Variants in LRRC7 observed in about 807,000 individuals in gnomAD.
LRRC7 encodes the protein leucine-rich repeat-containing protein 7.
LRRC7 carries 23 observed loss-of-function variants against 175.7 expected under a neutral mutation model. The ratio of observed to expected loss-of-function variants is 0.13; its 90% CI spans 0.09 to 0.19. The LOEUF is 0.19. LRRC7 is among the 10% of genes least tolerant of loss of function. The pLI is 1.00. For synonymous variants in LRRC7, 685 were observed against 680.9 expected (o/e 1.01, Z -0.09); for missense variants, 1,354 against 1,904.7 (o/e 0.71, Z 5.38).
At chr1:69,682,175 C>G (rs1660571633) in intron 2 of LRRC7, among the ~76,000 whole-genome samples, 1 of 152,072 alleles carries the variant, frequency 6.6e-6, no homozygotes, top group African/African-American at 2.4e-5. Flanking sequence ...TCTAAATTAG[C>G]CAATTTACTC....
intron 7 of LRRC7, among the ~76,000 whole-genome samples, chr1:69,869,846 A>G (rs2101573981): frequency 6.6e-6 from 1 of 152,292 alleles, no homozygotes; most frequent in African/African-American, 2.4e-5. Flanking sequence ...TTTATACCTA[A>G]TAACAATTCC....
At chr1:69,820,987 A>G (rs1306875446) in intron 4 of LRRC7, among the ~76,000 whole-genome samples, 2 of 152,144 alleles carry the variant, frequency 1.3e-5, no homozygotes, top group Non-Finnish European at 2.9e-5. Context: ...AACAGTGTAA[A>G]AGCATTCCTA....
intron 2 of LRRC7, among the ~76,000 whole-genome samples, chr1:69,751,576 G>A (rs1240893795): frequency 2.6e-5 from 4 of 152,116 alleles, no homozygotes; most frequent in East Asian, 1.9e-4. Flanking sequence ...TGTCTAGTAC[G>A]GAGGAGTAGG....
intron 7 of LRRC7, among the ~76,000 whole-genome samples, chr1:69,856,554 C>A (rs1683652430): frequency 6.6e-6 from 1 of 152,140 alleles, no homozygotes; most frequent in Non-Finnish European, 1.5e-5. Flanking sequence ...CCTCCCAAGA[C>A]TAAACCAGGA....
intron 8 of LRRC7, among the ~76,000 whole-genome samples, chr1:69,961,064 A>G (rs1231156190): frequency 6.6e-6 from 1 of 152,174 alleles, no homozygotes; most frequent in Non-Finnish European, 1.5e-5. Flanking sequence ...AGATGACATG[A>G]TCCTATATCT....
chr1:69,733,056 A>T (rs115883164), intron 2 of LRRC7, among the ~76,000 whole-genome samples: 2 of 152,026 alleles, frequency 1.3e-5, no homozygotes, highest in African/African-American at 4.8e-5. Flanking sequence ...TACATAGAAC[A>T]TGTATTTTCT....
intron 15 of LRRC7, among the ~76,000 whole-genome samples, chr1:70,019,309 C>A (rs1313193708): frequency 1.3e-5 from 2 of 151,998 alleles, no homozygotes; most frequent in African/African-American, 2.4e-5. Context: ...ACCATTCTTT[C>A]TTTTCAAGTT....
At position 69,989,199 on chromosome 1, in the gene LRRC7, T is replaced by C. The variant is rs142776634; in HGVS notation, c.931+2813T>C. ...ATAGATGGTTAAGAAAAAGAATCAA[T>C]TAAAAATCCTGAAAATGAAAAGGAA... On this transcript the variant is annotated intron_variant, in intron 10 of 26. Coordinates refer to ENST00000651989, the MANE Select transcript of LRRC7 (RefSeq NM_001370785.2). Among the ~76,000 whole-genome samples the C allele has an allele frequency of 3.6e-4, 55 of 152,046 alleles. No individual in the cohort carries two copies. In the East Asian group the frequency reaches 0.01, roughly 28 times the overall value.
chr1:69,923,970 A>G (rs1014630651), intron 7 of LRRC7, among the ~76,000 whole-genome samples: 5 of 151,724 alleles, frequency 3.3e-5, no homozygotes, highest in South Asian at 4.2e-4. Flanking sequence ...ATCTTGAATT[A>G]ATTTTTGTAT....
chr1:70,111,158 TATGTCTTTCCTAA>T (rs1362959341), intron 26 of LRRC7, among the ~76,000 whole-genome samples: 22 of 152,304 alleles, frequency 1.4e-4, no homozygotes, highest in African/African-American at 5.1e-4. Flanking sequence ...GCACAAGAGA[TATGTCTTTCCTAA>T]TCCCTCTTCC....
chr1:70,058,911 T>C (rs1444341609), intron 23 of LRRC7, among the ~76,000 whole-genome samples: 1 of 152,206 alleles, frequency 6.6e-6, no homozygotes, highest in Admixed American at 6.5e-5. Flanking sequence ...GATACTCTTT[T>C]AAAAGTATTA....
At chr1:70,047,491 C>A (rs1469634590) in intron 22 of LRRC7, among the ~76,000 whole-genome samples, 1 of 151,978 alleles carries the variant, frequency 6.6e-6, no homozygotes, top group Non-Finnish European at 1.5e-5. Flanking sequence ...TGTCCTGCAC[C>A]AAGGCTGTCT....
intron 23 of LRRC7, among the ~76,000 whole-genome samples, chr1:70,073,762 A>G (rs949214038): frequency 2.6e-5 from 4 of 152,348 alleles, no homozygotes; most frequent in African/African-American, 9.6e-5. Context: ...TGCCAGTGGA[A>G]GCAGATATAA....
At chr1:69,885,641 T>A (rs1286984574) in intron 7 of LRRC7, among the ~76,000 whole-genome samples, 2 of 125,254 alleles carry the variant, frequency 1.6e-5, no homozygotes, top group Non-Finnish European at 3.3e-5. Flanking sequence ...ATTTTAGTTA[T>A]TTCTTGCCTT....
chr1:70,063,261 T>G (rs1269903655), intron 23 of LRRC7, among the ~76,000 whole-genome samples: 1 of 152,130 alleles, frequency 6.6e-6, no homozygotes, highest in Non-Finnish European at 1.5e-5. Flanking sequence ...ACTCCATCAA[T>G]ATTTGACATA....
chr1:69,693,787 G>A (rs1394577450), intron 2 of LRRC7, among the ~76,000 whole-genome samples: 4 of 152,042 alleles, frequency 2.6e-5, no homozygotes, highest in African/African-American at 7.2e-5. Flanking sequence ...TATTTCAGGG[G>A]GTCTGAACTG....
At chr1:69,925,510 C>A (rs974011389) in intron 7 of LRRC7, among the ~76,000 whole-genome samples, 1 of 152,066 alleles carries the variant, frequency 6.6e-6, no homozygotes, top group Non-Finnish European at 1.5e-5. Context: ...GATTCAACTT[C>A]TTCCTGGTTT....
chr1:69,918,507 T>C (rs1646786495), intron 7 of LRRC7, among the ~76,000 whole-genome samples: 1 of 152,182 alleles, frequency 6.6e-6, no homozygotes, highest in Non-Finnish European at 1.5e-5. Context: ...TTTGACAGAA[T>C]GATTATAGTT....
chr1:69,992,447 T>C lies in LRRC7; in HGVS notation c.932-2114T>C, dbSNP rs115313420. 3.1e-3 allele frequency among the ~76,000 whole-genome samples: 475 copies of C among 152,210 alleles called. 3 individuals carry two copies. The highest frequency in any genetic ancestry group is 0.01 in the African/African-American group (427 of 41,520). On this transcript the variant is annotated intron_variant, in intron 10 of 26. Transcript: ENST00000651989. The stretch of plus-strand genomic sequence containing the variant: ...AAGGAATAGGATAAAATACCGTTGA[T>C]TACTCTAGAGAAAAGAGTCTAAGCA...
Sources: allele counts gnomAD v4.1 joint callset (sites outside exome capture counted in the v4.1 genomes callset), GRCh38; gene constraint gnomAD v4.1.1; transcripts MANE v1.5; gene names NCBI Gene and HGNC (gene_info 2026-07-23, HGNC 2026-07-21).